The following MUSK variants were observed in gnomAD, a reference collection of about 807,000 sequenced individuals.
MUSK encodes muscle, skeletal receptor tyrosine-protein kinase.
MUSK carries 55 observed loss-of-function variants against 88.7 expected under a neutral mutation model. That is an observed-to-expected ratio of 0.62 (90% CI 0.50 to 0.78). The LOEUF is 0.78. Among genes scored for constraint, MUSK ranks in the 30% least tolerant of loss-of-function variants. MUSK has a pLI of 0.00. For missense variants in MUSK, 1,015 were observed against 1,074.3 expected (o/e 0.94, Z 0.77); for synonymous variants, 387 against 391.9 (o/e 0.99, Z 0.15).
chr9:110,756,843 ATGTG>A (rs767205372), intron 7 of MUSK, among the ~76,000 whole-genome samples: 2 of 149,680 alleles, frequency 1.3e-5, no homozygotes, highest in African/African-American at 2.5e-5. Context: ...GTCAAGTTGT[ATGTG>A]TGTGTGTGTC....
intron 14 of MUSK, among the ~76,000 whole-genome samples, chr9:110,797,134 AAAAATAAAAAATAAATGCATGAATACCC>A (rs1564297670): frequency 1.5e-5 from 1 of 66,334 alleles, no homozygotes; most frequent in African/African-American, 6.4e-5. Flanking sequence ...TAAAAAAATA[AAAAATAAAAAATAAATGCATGAATACCC>A]AAAAAAAAAA....
intron 11 of MUSK, 36 bp downstream of exon 11, chr9:110,776,691 T>C (rs751432868): frequency 1.3e-6 from 2 of 1,525,824 alleles, no homozygotes; most frequent in Non-Finnish European, 9.0e-7. Flanking sequence ...AAACCTTATG[T>C]GTATGTAATT....
At position 110,784,901 on chromosome 9, in the gene MUSK, A is replaced by G; in HGVS notation, c.1471A>G (p.Thr491Ala). 6.2e-7 allele frequency: 1 copy of G among 1,613,274 alleles called. No individual in the cohort carries two copies. The highest frequency in any genetic ancestry group is 8.5e-7 in the Non-Finnish European group (1 of 1,179,238). Residue 491 changes from threonine to alanine, a missense_variant, in exon 12 of 15, where the codon ACA becomes GCA. Transcript: ENST00000374448. ...CTCTTCTTCCTTCTCTGTCTCACCT[A>G]CATACTCCATGACTGTAATAATCTC... ...SSSSSFSVSP[T>A]YSMTVIISIM...
At chr9:110,734,434 G>T in intron 6 of MUSK, 59 bp downstream of exon 6, 1 of 1,607,586 alleles carries the variant, frequency 6.2e-7, no homozygotes, top group Non-Finnish European at 8.5e-7. Flanking sequence ...TGAACTTCAG[G>T]ATAGACCATA....
chr9:110,702,492 G>GA lies in MUSK; in HGVS notation c.628+5032dup, dbSNP rs1335056890. The stretch of plus-strand genomic sequence containing the variant: ...CTTGTCTGTCTTTAGTCGTGAGGGA[G>GA]AAAAAACCAGGTCATCTTAGGAGTG... On this transcript the variant is annotated intron_variant, in intron 5 of 14. Transcript: ENST00000374448. Among the ~76,000 whole-genome samples, 9 of 152,254 alleles carry GA rather than the reference G, an allele frequency of 5.9e-5. No homozygotes were observed. In the East Asian group the frequency reaches 1.5e-3, roughly 26 times the overall value.
chr9:110,763,708 G>A (rs906306381), intron 8 of MUSK, among the ~76,000 whole-genome samples: 7 of 152,180 alleles, frequency 4.6e-5, no homozygotes, highest in African/African-American at 1.7e-4. Flanking sequence ...GTGCAGGGAG[G>A]GAGGGAAGTA....
In MUSK at chr9:110,762,254, T is replaced by C. The variant is rs763532162; in HGVS notation, c.920+46T>C. 4 of 1,369,318 alleles carry C rather than the reference T, an allele frequency of 2.9e-6. No homozygotes were observed. In the East Asian group the frequency reaches 1.0e-4, roughly 35 times the overall value. 84.8% of individuals were successfully genotyped at this position (1,369,318 alleles called of 1,614,324 possible). A position where few individuals can be genotyped will look rare whatever the true frequency, so the allele number is the denominator to read the frequency against. ...CAATTGTTTCCAATGTTTTGTTTTG[T>C]AGGGATTTCGTTTGTTTGTTTTTGT... On this transcript the variant is annotated intron_variant, in intron 8 of 14. Coordinates refer to ENST00000374448, the MANE Select transcript of MUSK (RefSeq NM_005592.4).
At chr9:110,790,175 CA>C (rs1322404149) in intron 14 of MUSK, among the ~76,000 whole-genome samples, 1 of 152,024 alleles carries the variant, frequency 6.6e-6, no homozygotes, top group Non-Finnish European at 1.5e-5. Flanking sequence ...TGCATTAAGT[CA>C]AGTGAGAGGA....
intron 5 of MUSK, 72 bp downstream of exon 5, chr9:110,697,538 G>A (rs2076448672): frequency 6.7e-7 from 1 of 1,495,328 alleles, no homozygotes; most frequent in Non-Finnish European, 9.0e-7. Context: ...GCTGCACCTG[G>A]GCTTGGGAGA....
chr9:110,715,234 A>C (rs1284110798), intron 5 of MUSK, among the ~76,000 whole-genome samples: 1 of 149,994 alleles, frequency 6.7e-6, no homozygotes, highest in East Asian at 1.9e-4. Flanking sequence ...TACCTCTAGT[A>C]CTTCCCAGTT....
chr9:110,690,843 A>AGTATATATATAAATATATATAAATATAT (rs2076344332), intron 3 of MUSK, among the ~76,000 whole-genome samples: 1 of 131,682 alleles, frequency 7.6e-6, no homozygotes, highest in Non-Finnish European at 1.5e-5. Flanking sequence ...TATAAATATA[A>AGTATATATATAAATATATATAAATATAT]GTATATATAT....
intron 6 of MUSK, among the ~76,000 whole-genome samples, chr9:110,741,526 G>A (rs976562307): frequency 6.6e-6 from 1 of 151,946 alleles, no homozygotes; most frequent in Non-Finnish European, 1.5e-5. Flanking sequence ...GTTGGATGTT[G>A]TAAAACAGGA....
chr9:110,774,415 C>T (rs890291677), intron 9 of MUSK, among the ~76,000 whole-genome samples: 2 of 152,082 alleles, frequency 1.3e-5, no homozygotes, highest in African/African-American at 2.4e-5. Flanking sequence ...TGCTTTAGTG[C>T]ATGGCAATGA....
intron 5 of MUSK, among the ~76,000 whole-genome samples, chr9:110,708,786 T>C (rs1230576456): frequency 6.6e-6 from 1 of 152,178 alleles, no homozygotes; most frequent in African/African-American, 2.4e-5. Context: ...AGATAATACA[T>C]AATGCTTCAA....
At chr9:110,684,072 G>C (rs1373196905) in intron 2 of MUSK, among the ~76,000 whole-genome samples, 1 of 152,032 alleles carries the variant, frequency 6.6e-6, no homozygotes, top group Non-Finnish European at 1.5e-5. Context: ...ATGTCCTGGA[G>C]AGTTTCCCCA....
At position 110,801,244 on chromosome 9, in the gene MUSK, G is replaced by A. The variant is rs549474617; in HGVS notation, c.*256G>A. On this transcript the variant is annotated 3_prime_UTR_variant, in exon 15 of 15. Coordinates refer to ENST00000374448, the MANE Select transcript of MUSK (RefSeq NM_005592.4). ...GAGACAACTATTCTTCTTCATGAAG[G>A]TTTGTAATACACACTGCACAGGGAA... 1.1e-5 allele frequency: 4 copies of A among 361,246 alleles called. No homozygotes were observed. In the East Asian group the frequency reaches 1.3e-4, roughly 11 times the overall value. The allele number at this position is 361,246 out of a possible 1,614,324, so 22.4% of individuals were successfully genotyped here. A position where few individuals can be genotyped will look rare whatever the true frequency, so the allele number is the denominator to read the frequency against.
intron 11 of MUSK, 47 bp downstream of exon 11, chr9:110,776,702 G>T (rs1473555409): frequency 1.3e-6 from 2 of 1,485,620 alleles, no homozygotes; most frequent in Admixed American, 1.8e-5. Context: ...GTATGTAATT[G>T]GATTCATGCA....
chr9:110,758,276 G>A (rs1183012687), intron 7 of MUSK, among the ~76,000 whole-genome samples: 1 of 152,064 alleles, frequency 6.6e-6, no homozygotes, highest in Non-Finnish European at 1.5e-5. Context: ...AATTGATAAA[G>A]TTTTAAAATG....
At chr9:110,674,343 T>A (rs541055460) in intron 1 of MUSK, among the ~76,000 whole-genome samples, 4 of 152,290 alleles carry the variant, frequency 2.6e-5, no homozygotes, top group African/African-American at 7.2e-5. Flanking sequence ...TTTTAATATA[T>A]TTGATTATAA....
Sources: allele counts gnomAD v4.1 joint callset (sites outside exome capture counted in the v4.1 genomes callset), GRCh38; gene constraint gnomAD v4.1.1; transcripts MANE v1.5; gene names NCBI Gene and HGNC (gene_info 2026-07-23, HGNC 2026-07-21).